Variants in DPRX observed in about 807,000 individuals in gnomAD.
DPRX encodes the protein divergent paired-related homeobox.
DPRX carries 11 observed loss-of-function variants against 8.4 expected under a neutral mutation model. That is an observed-to-expected ratio of 1.31 (90% CI 0.82 to 2.17). The LOEUF (loss-of-function observed/expected upper bound fraction) is 2.17. Among genes scored for constraint, DPRX ranks in the 30% most tolerant of loss-of-function variants. DPRX has a pLI of 0.00. For synonymous variants in DPRX, 72 were observed against 87.0 expected (o/e 0.83, Z 0.96); for missense variants, 211 against 236.7 (o/e 0.89, Z 0.71).
At chr19:53,630,135 C>G (rs1238192850), upstream of DPRX, 1 of 151,926 alleles carries the variant, frequency 6.6e-6, no homozygotes, top group African/African-American at 2.4e-5. Context: ...GTTGCTTGAA[C>G]CCAGGAGGCA....
At chr19:53,603,622 C>T in the DPRX span, 624 of 269,566 alleles carry the variant, frequency 2.3e-3, 2 homozygotes, top group Non-Finnish European at 2.9e-3. Flanking sequence ...AATACACCCA[C>T]GGTAGCTCCC....
the DPRX span, chr19:53,602,181 T>G: frequency 2.2e-6 from 1 of 453,986 alleles, no homozygotes; most frequent in South Asian, 1.6e-5. Context: ...AGGGTCAAGG[T>G]TGGGGAGAAC....
At chr19:53,606,599 A>T in the DPRX span, 1 of 152,854 alleles carries the variant, frequency 6.5e-6, no homozygotes, top group South Asian at 2.1e-4. The surrounding 1 kb of genome is among the most constrained non-coding windows in gnomAD (Gnocchi z 4.8). Context: ...CAAGAAGCAG[A>T]TGAAGATCGA....
intron 1 of DPRX, 105 bp from the exon 2 acceptor site, chr19:53,634,426 C>T (rs1843763534): frequency 7.0e-7 from 1 of 1,420,486 alleles, no homozygotes; most frequent in African/African-American, 1.4e-5. Flanking sequence ...ACCTCAGTCA[C>T]TTGATCATCA....
At chr19:53,618,379 T>G in the DPRX span, among the ~76,000 whole-genome samples, 1 of 151,872 alleles carries the variant, frequency 6.6e-6, no homozygotes, top group Non-Finnish European at 1.5e-5. Context: ...GATGGTAGAT[T>G]ATTTCAGATA....
the DPRX span, among the ~76,000 whole-genome samples, chr19:53,613,332 G>A: frequency 3.9e-5 from 6 of 151,986 alleles, no homozygotes; most frequent in Non-Finnish European, 8.8e-5. Context: ...GTCACTGCAC[G>A]TTGTCACGTG....
chr19:53,617,109 T>C, the DPRX span: 1 of 1,264,070 alleles, frequency 7.9e-7, no homozygotes, highest in Non-Finnish European at 1.2e-6. Context: ...TTAGGTTTCA[T>C]AATCCTGGAC....
At chr19:53,628,336 C>T (rs190796145), upstream of DPRX, among the ~76,000 whole-genome samples, 1 of 152,254 alleles carries the variant, frequency 6.6e-6, no homozygotes, top group Non-Finnish European at 1.5e-5. Flanking sequence ...GAGCAAGACC[C>T]TGTCTCAAAT....
exon 1 of DPRX, chr19:53,632,094 T>C: frequency 6.2e-7 from 1 of 1,613,958 alleles, no homozygotes; most frequent in Non-Finnish European, 8.5e-7. Context: ...CAGGCGCACA[T>C]CTGGATTAGA....
the DPRX span, chr19:53,616,908 T>G: frequency 6.9e-7 from 1 of 1,456,650 alleles, no homozygotes; most frequent in South Asian, 1.1e-5. Context: ...CTATGTATGC[T>G]CTGGTGGTGG....
the DPRX span, chr19:53,607,164 C>G: frequency 6.5e-6 from 1 of 152,676 alleles, no homozygotes; most frequent in African/African-American, 2.4e-5. Context: ...GGGGCCCCCA[C>G]TGCCATCCCC....
the DPRX span, chr19:53,616,826 C>T: frequency 6.3e-5 from 101 of 1,599,958 alleles, no homozygotes; most frequent in Middle Eastern, 5.0e-4. Context: ...TACCGTGTCC[C>T]GTTCTTAGCG....
chr19:53,622,337 AAGAGAG>A, the DPRX span, among the ~76,000 whole-genome samples: 1 of 150,538 alleles, frequency 6.6e-6, no homozygotes, highest in African/African-American at 2.4e-5. Flanking sequence ...ATATTTAGTT[AAGAGAG>A]AGAGAGAGAG....
At chr19:53,632,074 G>C in exon 1 of DPRX, 1 of 1,613,892 alleles carries the variant, frequency 6.2e-7, no homozygotes, top group Non-Finnish European at 8.5e-7. Context: ...CTTATCCCTG[G>C]ACCTGAACCC....
the DPRX span, among the ~76,000 whole-genome samples, chr19:53,614,990 A>G: frequency 6.6e-6 from 1 of 152,034 alleles, no homozygotes; most frequent in Non-Finnish European, 1.5e-5. Flanking sequence ...TACTTTTAAA[A>G]AGATCATTTG....
exon 3 of DPRX, chr19:53,636,730 A>T: frequency 1.9e-6 from 3 of 1,614,182 alleles, no homozygotes; most frequent in Non-Finnish European, 2.5e-6. Context: ...ATGCAGACAC[A>T]CTACCCAGAT....
chr19:53,610,151 CAA>C, the DPRX span, among the ~76,000 whole-genome samples: 31 of 77,700 alleles, frequency 4.0e-4, no homozygotes, highest in Non-Finnish European at 4.6e-4. Flanking sequence ...AACTGTGTCT[CAA>C]AAAAAAAAAA....
the DPRX span, among the ~76,000 whole-genome samples, chr19:53,621,220 C>A: frequency 2.6e-5 from 4 of 152,036 alleles, no homozygotes; most frequent in African/African-American, 9.7e-5. Flanking sequence ...AAAGTCCCAA[C>A]CCCCCGGGTT....
chr19:53,601,943 G>A, the DPRX span: 7 of 443,980 alleles, frequency 1.6e-5, no homozygotes, highest in African/African-American at 1.4e-4. Flanking sequence ...AGAGCTTGAG[G>A]CATGCAGAGT....
Sources: gnomAD v4.1 joint callset for allele counts (sites outside exome capture counted in the v4.1 genomes callset) on GRCh38, gnomAD v4.1.1 for gene constraint, Gnocchi (gnomAD v3.1) non-coding constraint, MANE v1.5 for transcripts, NCBI Gene and HGNC (gene_info 2026-07-23, HGNC 2026-07-21) for gene names.